Variants in SEMA4D observed in about 807,000 individuals in gnomAD.
SEMA4D encodes semaphorin-4D.
Under a neutral mutation model 74.8 loss-of-function variants are expected in SEMA4D, and 22 were observed. The observed-to-expected ratio is 0.29, with a 90% CI of 0.21 to 0.42. SEMA4D has a LOEUF of 0.42. Among genes scored for constraint, SEMA4D ranks in the 10% least tolerant of loss-of-function variants. The pLI, the probability that SEMA4D is intolerant of heterozygous loss-of-function variation, is 1.00. For missense variants in SEMA4D, 937 were observed against 1,118.4 expected (o/e 0.84, Z 2.31); for synonymous variants, 445 against 463.7 (o/e 0.96, Z 0.52).
At chr9:89,363,297 G>T (rs1833029911) in intron 18 of SEMA4D, 1 of 1,344,524 alleles carries the variant, frequency 7.4e-7, no homozygotes, top group Non-Finnish European at 9.9e-7. Context: ...TTTCATAAAG[G>T]AAACTGCTCC....
chr9:89,382,383 G>C (rs561694950), intron 13 of SEMA4D, among the ~76,000 whole-genome samples: 2 of 152,220 alleles, frequency 1.3e-5, no homozygotes, highest in African/African-American at 4.8e-5. Flanking sequence ...GATGAAACAC[G>C]ACCTTCATCC....
chr9:89,458,531 T>C (rs2135602319), intron 1 of SEMA4D, among the ~76,000 whole-genome samples: 1 of 151,996 alleles, frequency 6.6e-6, no homozygotes, highest in Middle Eastern at 3.4e-3. Context: ...CATGCATGCA[T>C]ACATGCACAC....
intron 2 of SEMA4D, among the ~76,000 whole-genome samples, chr9:89,410,861 G>A (rs76804653): frequency 0.15 from 23,518 of 152,176 alleles, 2,386 homozygotes; most frequent in Non-Finnish European, 0.22. Flanking sequence ...GCAAAGCAAC[G>A]CCTTTGAATC....
chr9:89,483,805 G>A (rs143129528), intron 1 of SEMA4D, among the ~76,000 whole-genome samples: 1 of 152,252 alleles, frequency 6.6e-6, no homozygotes, highest in African/African-American at 2.4e-5. Flanking sequence ...TCTGAAGCCA[G>A]CCAGGCATGA....
intron 3 of SEMA4D, among the ~76,000 whole-genome samples, chr9:89,405,075 T>C (rs370760211): frequency 0.17 from 3,693 of 21,738 alleles, no homozygotes; most frequent in Non-Finnish European, 0.19. Context: ...GTCCCCATCC[T>C]GTCCCCAGCC....
intron 2 of SEMA4D, among the ~76,000 whole-genome samples, chr9:89,432,893 A>G (rs935520123): frequency 1.3e-5 from 2 of 152,214 alleles, no homozygotes; most frequent in South Asian, 4.1e-4. Flanking sequence ...GAAGTCTCAA[A>G]GAGACGTGTA....
chr9:89,478,612 G>A (rs937103176), intron 1 of SEMA4D, among the ~76,000 whole-genome samples: 1 of 152,162 alleles, frequency 6.6e-6, no homozygotes, highest in African/African-American at 2.4e-5. Flanking sequence ...TTCATTTACA[G>A]AGAAAGCAAG....
chr9:89,374,006 C>G (rs1835456443), downstream of SEMA4D, among the ~76,000 whole-genome samples: 1 of 152,216 alleles, frequency 6.6e-6, no homozygotes, highest in East Asian at 1.9e-4. Flanking sequence ...TGGCCTCGGC[C>G]CACCCTTGAA....
At chr9:89,401,234 T>G (rs1284492817) in intron 4 of SEMA4D, among the ~76,000 whole-genome samples, 1 of 152,062 alleles carries the variant, frequency 6.6e-6, no homozygotes, top group African/African-American at 2.4e-5. Flanking sequence ...TTTTTGCAGT[T>G]TTTGTAGAGA....
intron 2 of SEMA4D, among the ~76,000 whole-genome samples, chr9:89,433,907 C>A (rs1849817043): frequency 6.6e-6 from 1 of 152,206 alleles, no homozygotes; most frequent in South Asian, 2.1e-4. Context: ...GCCAGAGCGC[C>A]ACCACTCCCC....
At chr9:89,478,238 T>A (rs1862254645) in intron 1 of SEMA4D, among the ~76,000 whole-genome samples, 2 of 152,200 alleles carry the variant, frequency 1.3e-5, no homozygotes, top group African/African-American at 2.4e-5. Context: ...AATCTCAGGA[T>A]GAGATCTCCC....
At chr9:89,493,546 C>T (rs564642413) in intron 1 of SEMA4D, among the ~76,000 whole-genome samples, 50 of 152,322 alleles carry the variant, frequency 3.3e-4, no homozygotes, top group Admixed American at 1.2e-3. Flanking sequence ...AACTTTCTGT[C>T]CTTCCAAACA....
chr9:89,468,355 T>C (rs1033279067), intron 1 of SEMA4D, among the ~76,000 whole-genome samples: 4 of 152,086 alleles, frequency 2.6e-5, no homozygotes, highest in African/African-American at 4.8e-5. Context: ...TGCTACAATA[T>C]CAGGGTCAGG....
At chr9:89,446,214 G>C (rs1467084337) in intron 2 of SEMA4D, among the ~76,000 whole-genome samples, 1 of 152,084 alleles carries the variant, frequency 6.6e-6, no homozygotes, top group African/African-American at 2.4e-5. Flanking sequence ...TGCCCTCTGT[G>C]CCCGATCTCC....
intron 5 of SEMA4D, among the ~76,000 whole-genome samples, chr9:89,397,566 T>C (rs1290328978): frequency 2.0e-5 from 3 of 152,238 alleles, no homozygotes; most frequent in African/African-American, 4.8e-5. Flanking sequence ...TTGCGTTACA[T>C]GTGCTATAGT....
intron 1 of SEMA4D, among the ~76,000 whole-genome samples, chr9:89,478,015 C>T (rs1862196863): frequency 6.6e-6 from 1 of 152,224 alleles, no homozygotes. Context: ...TCTACAGCTT[C>T]CCACAAAGGC....
chr9:89,362,277 A>G (rs1832816914), exon 19 of SEMA4D: 3 of 1,555,372 alleles, frequency 1.9e-6, no homozygotes, highest in Non-Finnish European at 1.8e-6. Flanking sequence ...GGCTGTGTTC[A>G]GAGCAGGCTT....
chr9:89,412,933 G>A (rs752503871), intron 2 of SEMA4D, among the ~76,000 whole-genome samples: 20 of 151,898 alleles, frequency 1.3e-4, no homozygotes, highest in Admixed American at 2.0e-4. Flanking sequence ...CCGGCCCTGC[G>A]AGTTCTTTCA....
chr9:89,442,201 T>G (rs1353996202), intron 2 of SEMA4D, among the ~76,000 whole-genome samples: 3 of 143,766 alleles, frequency 2.1e-5, no homozygotes, highest in Non-Finnish European at 1.5e-5. Context: ...ACGGCCCAGG[T>G]CAAGGTCACT....
Sources: allele counts gnomAD v4.1 joint callset (sites outside exome capture counted in the v4.1 genomes callset), GRCh38; gene constraint gnomAD v4.1.1; transcripts MANE v1.5; gene names NCBI Gene and HGNC (gene_info 2026-07-23, HGNC 2026-07-21).